Variants in ZHX3 observed in about 807,000 individuals in gnomAD.
ZHX3 encodes zinc fingers and homeoboxes protein 3.
ZHX3 carries 20 observed loss-of-function variants against 64.5 expected under a neutral mutation model. That is an observed-to-expected ratio of 0.31 (90% CI 0.22 to 0.45). The LOEUF (loss-of-function observed/expected upper bound fraction) is 0.45. Ranked by LOEUF, ZHX3 falls within the 20% of genes least tolerant of loss-of-function variation. The pLI is 1.00. For missense variants in ZHX3, 1,041 were observed against 1,195.8 expected (o/e 0.87, Z 1.91); for synonymous variants, 423 against 461.6 (o/e 0.92, Z 1.07).
At chr20:41,264,511 A>G (rs992094501) in intron 2 of ZHX3, among the ~76,000 whole-genome samples, 4 of 150,006 alleles carry the variant, frequency 2.7e-5, no homozygotes, top group African/African-American at 9.8e-5. Context: ...GTGAGCCAAG[A>G]TCACGCCACT....
At chr20:41,192,799 C>T (rs1055734298) in intron 3 of ZHX3, among the ~76,000 whole-genome samples, 2 of 152,190 alleles carry the variant, frequency 1.3e-5, no homozygotes, top group Non-Finnish European at 2.9e-5. Flanking sequence ...GGACCCAGTG[C>T]GAGCTCCGTT....
chr20:41,206,645 T>C (rs1007123416), intron 2 of ZHX3, among the ~76,000 whole-genome samples: 2 of 152,120 alleles, frequency 1.3e-5, no homozygotes, highest in African/African-American at 2.4e-5. Flanking sequence ...AATATGGGAC[T>C]ATGTGAAAAG....
chr20:41,208,905 C>T (rs2038939583), intron 2 of ZHX3, among the ~76,000 whole-genome samples: 2 of 152,192 alleles, frequency 1.3e-5, no homozygotes. Context: ...CAAATTGTCC[C>T]TGTTTGCAGA....
In ZHX3 at chr20:41,204,822, G is replaced by A. The variant is rs750421739; in HGVS notation, c.95C>T (p.Thr32Ile). The A allele has an allele frequency of 6.2e-6, 10 of 1,610,202 alleles. No homozygotes were observed. In the South Asian group the frequency reaches 9.9e-5, roughly 16 times the overall value. ...ATCCTGCTGGGGTCCTTCAGGCAAG[G>A]TCTCAGCGGGCTGGGCCTCCATGCT... ...DASMEAQPAETLPEGPQQDLP... is the reference protein window; with the variant it reads ...DASMEAQPAEILPEGPQQDLP... Residue 32 changes from threonine (T) to isoleucine (I), a missense_variant, in exon 3 of 4, where the codon ACC becomes ATC. By Grantham distance (89) the Thr-to-Ile change is moderately conservative (BLOSUM62 -1). Transcript: ENST00000683867. The surrounding 1 kb of genome is among the most constrained non-coding windows in gnomAD (Gnocchi z 6.6).
chr20:41,196,322 AAATAT>A (rs1323506574), intron 3 of ZHX3, among the ~76,000 whole-genome samples: 1 of 116,902 alleles, frequency 8.6e-6, no homozygotes, highest in Non-Finnish European at 1.7e-5. Flanking sequence ...TATTTATAAT[AAATAT>A]ATTTTTATTT....
At position 41,224,670 on chromosome 20, in the gene ZHX3, T is replaced by C. The variant is rs546780382; in HGVS notation, c.-150-19604A>G. Among the ~76,000 whole-genome samples the C allele has an allele frequency of 6.6e-6, 1 of 152,204 alleles. No individual in the cohort carries two copies. Among genetic ancestry groups the C allele is most frequent in the Non-Finnish European group, 1.5e-5 (1 of 68,036 alleles). ...AAACACTGCTAGAATTAAGGAGGAT[T>C]AGGATTCTTTCATCACAAGGCCATT... is the stretch of plus-strand genomic sequence containing the variant. On this transcript the variant is annotated intron_variant, in intron 2 of 3. Transcript: ENST00000683867. This position sits in a 1 kb window ranked among gnomAD's most constrained non-coding sequence, Gnocchi z 5.2.
chr20:41,310,680 G>GTT (rs138691524), intron 1 of ZHX3, among the ~76,000 whole-genome samples: 142 of 145,372 alleles, frequency 9.8e-4, no homozygotes, highest in African/African-American at 3.4e-3. Flanking sequence ...TGGGGAAGAG[G>GTT]TTTTTTTTTT....
chr20:41,280,076 C>T (rs2043598473), intron 1 of ZHX3, among the ~76,000 whole-genome samples: 1 of 152,148 alleles, frequency 6.6e-6, no homozygotes, highest in Non-Finnish European at 1.5e-5. Flanking sequence ...GAAGAAACAG[C>T]ACCACAAATG....
intron 2 of ZHX3, among the ~76,000 whole-genome samples, chr20:41,234,185 T>G (rs1196704976): frequency 6.6e-6 from 1 of 152,158 alleles, no homozygotes; most frequent in Non-Finnish European, 1.5e-5. Flanking sequence ...TGGCACTGCA[T>G]TGCAATTGTG....
At chr20:41,214,667 G>A (rs564877258) in intron 2 of ZHX3, among the ~76,000 whole-genome samples, 2 of 152,170 alleles carry the variant, frequency 1.3e-5, no homozygotes, top group African/African-American at 2.4e-5. Flanking sequence ...AGGTAAGCTT[G>A]GGTTTATTTG....
intron 1 of ZHX3, among the ~76,000 whole-genome samples, chr20:41,276,262 T>C (rs183731223): frequency 9.5e-6 from 1 of 105,490 alleles, no homozygotes; most frequent in Non-Finnish European, 1.8e-5. Context: ...TTTCTTTTTC[T>C]TTTTTTTAAA....
Position 41,240,237 on chromosome 20 carries a change from GGA to G in ZHX3, c.-151+28751_-151+28752del, listed in dbSNP as rs531681141. On this transcript the variant is annotated intron_variant, in intron 2 of 3. Transcript: ENST00000683867. ...GCTGGTCAACAGGCCATTCCTACATGGATCCTCCAGAAGGCAGAGCATGGGAC... is the reference window on the plus strand; with the variant it reads ...GCTGGTCAACAGGCCATTCCTACATGTCCTCCAGAAGGCAGAGCATGGGAC... Among the ~76,000 whole-genome samples the G allele has an allele frequency of 4.3e-4, 65 of 152,270 alleles. 2 individuals carry two copies. In the South Asian group the frequency reaches 0.013, roughly 31 times the overall value.
At chr20:41,198,284 C>T (rs117435282) in intron 3 of ZHX3, among the ~76,000 whole-genome samples, 10,798 of 152,092 alleles carry the variant, frequency 0.071, 410 homozygotes, top group Middle Eastern at 0.17. Flanking sequence ...GTGTGAGCCA[C>T]GGCACCTGGC....
At chr20:41,269,927 C>T (rs748546381) in intron 1 of ZHX3, among the ~76,000 whole-genome samples, 18 of 151,360 alleles carry the variant, frequency 1.2e-4, no homozygotes, top group Admixed American at 6.6e-5. Flanking sequence ...AACTTCTTAA[C>T]ACCAGCATCT....
At chr20:41,205,404 CA>C (rs1568824478) in intron 2 of ZHX3, among the ~76,000 whole-genome samples, 1 of 152,186 alleles carries the variant, frequency 6.6e-6, no homozygotes, top group Non-Finnish European at 1.5e-5. Context: ...CTGACCATGT[CA>C]GAGTGAGAAC....
rs565395772 is a variant in ZHX3 at position 41,195,708 on chromosome 20, G to A, written c.2860+6349C>T. Among the ~76,000 whole-genome samples, 9 of 152,272 alleles carry A rather than the reference G, an allele frequency of 5.9e-5. No homozygotes were observed. Among genetic ancestry groups the A allele is most frequent in the Admixed American group, 2.0e-4 (3 of 15,304 alleles). On this transcript the variant is annotated intron_variant, in intron 3 of 3. Transcript: ENST00000683867. The surrounding 1 kb of genome is among the most constrained non-coding windows in gnomAD (Gnocchi z 4.2). Reference sequence around the variant, plus strand: ...GGGGATTACAGGCATAAGCCACTGCGCCCAGCGTAAGTTCTCTTTTAATGT... The same window carrying A: ...GGGGATTACAGGCATAAGCCACTGCACCCAGCGTAAGTTCTCTTTTAATGT...
At chr20:41,210,824 A>C (rs1328311132) in intron 2 of ZHX3, among the ~76,000 whole-genome samples, 1 of 152,212 alleles carries the variant, frequency 6.6e-6, no homozygotes, top group Non-Finnish European at 1.5e-5. Context: ...ATGTACCCTA[A>C]AACTTAAAGT....
chr20:41,265,835 T>C (rs1008310458), intron 2 of ZHX3, among the ~76,000 whole-genome samples: 3 of 152,142 alleles, frequency 2.0e-5, no homozygotes, highest in Non-Finnish European at 2.9e-5. Flanking sequence ...AAGACTGCCA[T>C]AAGGAACAAA....
intron 2 of ZHX3, among the ~76,000 whole-genome samples, chr20:41,248,532 AC>A (rs2041826619): frequency 6.6e-6 from 1 of 152,342 alleles, no homozygotes; most frequent in African/African-American, 2.4e-5. Flanking sequence ...GGAGAATTCC[AC>A]AATATTCCTG....
Sources: allele counts gnomAD v4.1 joint callset (sites outside exome capture counted in the v4.1 genomes callset), GRCh38; gene constraint gnomAD v4.1.1; non-coding constraint Gnocchi (gnomAD v3.1); transcripts MANE v1.5; gene names NCBI Gene and HGNC (gene_info 2026-07-23, HGNC 2026-07-21).